BRD3: variants seen among roughly 807,000 people sequenced by gnomAD.
BRD3 encodes the protein bromodomain containing 3, also known as bromodomain-containing protein 3.
A neutral mutation model predicts 66.8 loss-of-function variants in BRD3; 17 were observed. That is an observed-to-expected ratio of 0.25 (90% CI 0.17 to 0.38). The LOEUF is 0.38. Among genes scored for constraint, BRD3 ranks in the 10% least tolerant of loss-of-function variants. BRD3 has a pLI of 1.00. For missense variants in BRD3, 713 were observed against 956.1 expected (o/e 0.75, Z 3.35); for synonymous variants, 421 against 393.2 (o/e 1.07, Z -0.84).
At position 134,048,396 on chromosome 9, in the gene BRD3, G is replaced by C; in HGVS notation, c.773C>G (p.Ala258Gly). ...TTTPTTSAIT[A>G]SRSESPPPLS... ...CGGCGGGGGCGACTCACTCCGGCTG[G>C]CAGTGATGGCCGACGTCGTGGGAGT... The change falls in exon 6 of 12, where the codon GCC becomes GGC. Residue 258 changes from alanine to glycine, a missense_variant. Physicochemically the swap from Ala to Gly is moderately conservative, Grantham distance 60. Coordinates refer to ENST00000303407, the MANE Select transcript of BRD3 (RefSeq NM_007371.4). The C allele has an allele frequency of 4.4e-6, 7 of 1,598,604 alleles. No individual in the cohort carries two copies. The highest frequency in any genetic ancestry group is 5.9e-6 in the Non-Finnish European group (7 of 1,179,872).
chr9:134,047,523 A>C (rs1442099441), intron 6 of BRD3, among the ~76,000 whole-genome samples: 1 of 152,158 alleles, frequency 6.6e-6, no homozygotes, highest in East Asian at 1.9e-4. Flanking sequence ...GGCACACAAG[A>C]GCCCAGGCAG....
rs1160276088 is a variant in BRD3 at position 134,042,678 on chromosome 9, T to TAC, written c.1216-729_1216-728dup. ...ACACACACACACACACACATATATA[T>TAC]ACACACACACACATATACACACACA... On this transcript the variant is annotated intron_variant, in intron 7 of 11. Transcript: ENST00000303407. Among the ~76,000 whole-genome samples the TAC allele has an allele frequency of 5.4e-3, 755 of 139,218 alleles. 5 individuals carry two copies. Among genetic ancestry groups the TAC allele is most frequent in the African/African-American group, 0.018 (708 of 39,588 alleles). 91.3% of individuals were successfully genotyped at this position (139,218 alleles called of 152,430 possible). A position where few individuals can be genotyped will look rare whatever the true frequency, so the allele number is the denominator to read the frequency against.
At chr9:134,066,484 A>C (rs1015381498) in intron 1 of BRD3, among the ~76,000 whole-genome samples, 3 of 152,148 alleles carry the variant, frequency 2.0e-5, no homozygotes, top group Admixed American at 2.0e-4. Flanking sequence ...AGCCAGTAAC[A>C]AACTACTTTC....
intron 6 of BRD3, among the ~76,000 whole-genome samples, chr9:134,047,712 C>T (rs1297919178): frequency 6.6e-6 from 1 of 152,198 alleles, no homozygotes; most frequent in African/African-American, 2.4e-5. Flanking sequence ...GCGCCTGTAT[C>T]CGGGGCTTGA....
intron 1 of BRD3, among the ~76,000 whole-genome samples, chr9:134,055,431 C>T (rs1034382101): frequency 6.6e-6 from 1 of 152,186 alleles, no homozygotes; most frequent in Non-Finnish European, 1.5e-5. Context: ...CAGGCTCCTG[C>T]CCTTCCAAGG....
chr9:134,033,313 G>C lies in BRD3; in HGVS notation c.*277C>G, dbSNP rs1843543635. The C allele has an allele frequency of 2.3e-6, 1 of 433,800 alleles. No homozygotes were observed. The highest frequency in any genetic ancestry group is 6.5e-5 in the South Asian group (1 of 15,292). 26.9% of individuals were successfully genotyped at this position (433,800 alleles called of 1,614,324 possible). On this transcript the variant is annotated 3_prime_UTR_variant, in exon 12 of 12. Coordinates refer to ENST00000303407, the MANE Select transcript of BRD3 (RefSeq NM_007371.4). This position sits in a 1 kb window ranked among gnomAD's most constrained non-coding sequence, Gnocchi z 5.1. Reference sequence around the variant, plus strand: ...GTACGAATCTCACACGGTTTTCTGGGGTCATCGGGTTAGCATTTGAAGTTG... The same window carrying C: ...GTACGAATCTCACACGGTTTTCTGGCGTCATCGGGTTAGCATTTGAAGTTG...
chr9:134,040,406 C>G (rs35142534), intron 8 of BRD3, 137 bp from the exon 9 acceptor site: 2 of 963,356 alleles, frequency 2.1e-6, no homozygotes, highest in Non-Finnish European at 3.0e-6. Context: ...CCAGGAGCAC[C>G]TGGGCCCTGC....
intron 7 of BRD3, among the ~76,000 whole-genome samples, chr9:134,042,175 G>A (rs114123683): frequency 0.01 from 1,587 of 152,266 alleles, 23 homozygotes; most frequent in African/African-American, 0.023. Context: ...TGGGAAGAGG[G>A]GACACAGGAG....
chr9:134,037,517 G>A (rs1428374052), intron 9 of BRD3, among the ~76,000 whole-genome samples: 1 of 152,170 alleles, frequency 6.6e-6, no homozygotes, highest in Non-Finnish European at 1.5e-5. Context: ...GTTGCAGTGA[G>A]CCGAGATCGT....
intron 1 of BRD3, chr9:134,054,211 C>T (rs1347368484): frequency 6.6e-6 from 1 of 152,320 alleles, no homozygotes; most frequent in African/African-American, 2.4e-5. Context: ...CGGCCTGGCT[C>T]TCGGCCAATC....
In BRD3 at chr9:134,032,468, GA is replaced by G. The variant is rs1357245396; in HGVS notation, c.*1121del. On this transcript the variant is annotated 3_prime_UTR_variant, in exon 12 of 12. Coordinates refer to ENST00000303407, the MANE Select transcript of BRD3 (RefSeq NM_007371.4). ...AAAAAAAAAAAAAAAAAACCACAAA[GA>G]AAAAAACCAAAAAACCCAACAAACC... is the stretch of plus-strand genomic sequence containing the variant. 3 of 178,828 alleles carry G rather than the reference GA, an allele frequency of 1.7e-5. 1 individual carries two copies. Among genetic ancestry groups the G allele is most frequent in the Non-Finnish European group, 2.2e-5 (2 of 90,944 alleles). The allele number at this position is 178,828 out of a possible 1,614,324, so 11.1% of individuals were successfully genotyped here.
At chr9:134,048,603 T>C in intron 5 of BRD3, 149 bp from the exon 6 acceptor site, 1 of 1,227,586 alleles carries the variant, frequency 8.1e-7, no homozygotes, top group Non-Finnish European at 1.1e-6. Context: ...ACACCAAGGC[T>C]CAGGGGCCAT....
chr9:134,052,419 G>A lies in BRD3; in HGVS notation c.238C>T (p.Pro80Ser). 1 of 1,607,498 alleles carries A rather than the reference G, an allele frequency of 6.2e-7. No individual in the cohort carries two copies. Among genetic ancestry groups the A allele is most frequent in the Non-Finnish European group, 8.5e-7 (1 of 1,178,002 alleles). ...TTCTTAATAGTCCCCATATCCATTGGGTTTTTAATTATTTTATGATAATCC... is the reference window on the plus strand; with the variant it reads ...TTCTTAATAGTCCCCATATCCATTGAGTTTTTAATTATTTTATGATAATCC... The part of the protein sequence containing the change: ...LPDYHKIIKN[P>S]MDMGTIKKRL... Residue 80 changes from proline to serine, a missense_variant, in exon 3 of 12, where the codon CCA (proline) becomes TCA (serine). Transcript: ENST00000303407.
intron 1 of BRD3, among the ~76,000 whole-genome samples, chr9:134,066,573 AAC>A (rs1491510341): frequency 6.8e-6 from 1 of 147,568 alleles, no homozygotes; most frequent in Non-Finnish European, 1.5e-5. Context: ...AAAAAAAAAA[AAC>A]CCTCCATTTT....
At chr9:134,037,525 C>T (rs1397602191) in intron 9 of BRD3, among the ~76,000 whole-genome samples, 10 of 152,080 alleles carry the variant, frequency 6.6e-5, no homozygotes, top group African/African-American at 4.8e-5. Flanking sequence ...GAGCCGAGAT[C>T]GTGCCACTGC....
rs1830300856 is a variant in BRD3 at position 134,051,728 on chromosome 9, C to T, written c.352-19G>A. ...CTGTGGGCTGAAGACACAGAGAGTCCAGGTCACGTGTCAGGAAAGGAGCTG... is the reference window on the plus strand; with the variant it reads ...CTGTGGGCTGAAGACACAGAGAGTCTAGGTCACGTGTCAGGAAAGGAGCTG... On this transcript the variant is annotated intron_variant, in intron 3 of 11. Transcript: ENST00000303407. The T allele has an allele frequency of 6.3e-7, 1 of 1,585,206 alleles. No individual in the cohort carries two copies. The highest frequency in any genetic ancestry group is 8.5e-7 in the Non-Finnish European group (1 of 1,171,650).
intron 4 of BRD3, 111 bp downstream of exon 4, chr9:134,051,451 G>A (rs566455418): frequency 6.1e-5 from 74 of 1,216,470 alleles, no homozygotes; most frequent in African/African-American, 3.7e-4. Flanking sequence ...CCACGAGCTC[G>A]TCACGACAGA....
chr9:134,046,197 T>C (rs1830160488), intron 6 of BRD3, among the ~76,000 whole-genome samples: 1 of 151,828 alleles, frequency 6.6e-6, no homozygotes, highest in South Asian at 2.1e-4. Flanking sequence ...AGCTGGGAGG[T>C]GCAGGTGGCT....
At chr9:134,056,446 G>A (rs1413641867) in intron 1 of BRD3, among the ~76,000 whole-genome samples, 4 of 152,202 alleles carry the variant, frequency 2.6e-5, no homozygotes, top group Admixed American at 6.5e-5. Flanking sequence ...TGCCCTCTGA[G>A]ACACCTACAC....
Sources: allele counts gnomAD v4.1 joint callset (sites outside exome capture counted in the v4.1 genomes callset), GRCh38; gene constraint gnomAD v4.1.1; non-coding constraint Gnocchi (gnomAD v3.1); transcripts MANE v1.5; gene names NCBI Gene and HGNC (gene_info 2026-07-23, HGNC 2026-07-21).